Variants in PREP observed in about 807,000 individuals in gnomAD.
PREP encodes the protein prolyl endopeptidase, also known as dJ355L5.1 (prolyl endopeptidase).
A neutral mutation model predicts 87.6 loss-of-function variants in PREP; 29 were observed. That is an observed-to-expected ratio of 0.33 (90% CI 0.25 to 0.45). The LOEUF (loss-of-function observed/expected upper bound fraction) is 0.45. Ranked by LOEUF, PREP falls within the 20% of genes least tolerant of loss-of-function variation. The pLI, the probability that PREP is intolerant of heterozygous loss-of-function variation, is 1.00. For missense variants in PREP, 695 were observed against 886.5 expected (o/e 0.78, Z 2.74); for synonymous variants, 337 against 328.6 (o/e 1.03, Z -0.28).
chr6:105,277,802 T>A lies in PREP; in HGVS notation c.*342A>T. ...TCACATTTATTTAAAGATATAGAGGTTATGGATATAGATAAGTATGCCCGA... is the reference window on the plus strand; with the variant it reads ...TCACATTTATTTAAAGATATAGAGGATATGGATATAGATAAGTATGCCCGA... On this transcript the variant is annotated 3_prime_UTR_variant, in exon 15 of 15. Transcript: ENST00000652536. 3.6e-6 allele frequency: 1 copy of A among 276,244 alleles called. No homozygotes were observed. Among genetic ancestry groups the A allele is most frequent in the Non-Finnish European group, 6.9e-6 (1 of 145,880 alleles). The allele number at this position is 276,244 out of a possible 1,614,324, so 17.1% of individuals were successfully genotyped here. A position where few individuals can be genotyped will look rare whatever the true frequency, so the allele number is the denominator to read the frequency against.
At chr6:105,392,318 G>T (rs1457106318) in intron 2 of PREP, among the ~76,000 whole-genome samples, 1 of 152,108 alleles carries the variant, frequency 6.6e-6, no homozygotes, top group African/African-American at 2.4e-5. Flanking sequence ...GATTACAGGC[G>T]TGAGCCCCCA....
intron 2 of PREP, among the ~76,000 whole-genome samples, chr6:105,397,646 T>C (rs1471390335): frequency 1.3e-5 from 2 of 152,220 alleles, no homozygotes; most frequent in African/African-American, 2.4e-5. Flanking sequence ...TCTGAAACAC[T>C]TAGGTGATCT....
chr6:105,381,389 C>T (rs1368511668), intron 2 of PREP, among the ~76,000 whole-genome samples: 2 of 151,274 alleles, frequency 1.3e-5, no homozygotes, highest in Non-Finnish European at 2.9e-5. Context: ...ATGTATTTAA[C>T]AGGTATATCA....
chr6:105,382,416 T>C (rs1210154087), intron 2 of PREP, among the ~76,000 whole-genome samples: 1 of 152,056 alleles, frequency 6.6e-6, no homozygotes, highest in Non-Finnish European at 1.5e-5. Flanking sequence ...ATATATACAA[T>C]TTTCACCTGT....
At position 105,296,583 on chromosome 6, in the gene PREP, C is replaced by G. The variant is rs1770417752; in HGVS notation, c.1318-7689G>C. 2.0e-5 allele frequency among the ~76,000 whole-genome samples: 3 copies of G among 152,254 alleles called. No individual in the cohort carries two copies. In the East Asian group the frequency reaches 5.8e-4, roughly 29 times the overall value. On this transcript the variant is annotated intron_variant, in intron 10 of 14. Transcript: ENST00000652536. ...TGTTTACATATGGTCTGGGATCTAA[C>G]TACTTTTCCCCAAATGGCCAACTAT...
chr6:105,286,221 C>T (rs1770186503), intron 11 of PREP, among the ~76,000 whole-genome samples: 1 of 152,160 alleles, frequency 6.6e-6, no homozygotes, highest in Non-Finnish European at 1.5e-5. Flanking sequence ...CACAGGAGGA[C>T]CTGATAATGG....
At chr6:105,369,627 A>G (rs973289323) in intron 5 of PREP, among the ~76,000 whole-genome samples, 13 of 152,246 alleles carry the variant, frequency 8.5e-5, no homozygotes, top group African/African-American at 2.9e-4. Context: ...ATGGAACAGG[A>G]AAGAGAGCCT....
At chr6:105,312,748 G>A (rs919499091) in intron 10 of PREP, among the ~76,000 whole-genome samples, 8 of 152,178 alleles carry the variant, frequency 5.3e-5, no homozygotes, top group South Asian at 4.1e-4. Context: ...GACAGTTGGC[G>A]TTTGGATGAA....
chr6:105,293,700 C>T (rs144047244), intron 10 of PREP, among the ~76,000 whole-genome samples: 1 of 152,072 alleles, frequency 6.6e-6, no homozygotes, highest in African/African-American at 2.4e-5. Flanking sequence ...TATCAAATTC[C>T]TCTATGGACA....
At chr6:105,332,104 A>T (rs368045863) in intron 8 of PREP, among the ~76,000 whole-genome samples, 1 of 152,184 alleles carries the variant, frequency 6.6e-6, no homozygotes, top group Non-Finnish European at 1.5e-5. Flanking sequence ...AACTGCCTAC[A>T]GGGGTGTGGA....
chr6:105,364,603 C>G (rs1772338090), intron 6 of PREP, among the ~76,000 whole-genome samples: 1 of 152,146 alleles, frequency 6.6e-6, no homozygotes. Context: ...CGCATCCTGC[C>G]CTGTGTCCTG....
At chr6:105,306,389 T>C (rs987895790) in intron 10 of PREP, among the ~76,000 whole-genome samples, 2 of 152,152 alleles carry the variant, frequency 1.3e-5, no homozygotes, top group African/African-American at 4.8e-5. Context: ...GTAATATTTC[T>C]ACTACCTGGT....
intron 8 of PREP, among the ~76,000 whole-genome samples, chr6:105,330,012 G>C (rs1247831395): frequency 6.6e-6 from 1 of 152,216 alleles, no homozygotes; most frequent in Admixed American, 6.5e-5. Context: ...GGAATGAGGA[G>C]AGGGGAAAGG....
At position 105,277,326 on chromosome 6, in the gene PREP, C is replaced by G. The variant is rs1769964299; in HGVS notation, c.*818G>C. On this transcript the variant is annotated 3_prime_UTR_variant, in exon 15 of 15. Coordinates refer to ENST00000652536, the MANE Select transcript of PREP (RefSeq NM_002726.5). The stretch of plus-strand genomic sequence containing the variant: ...ATTTACTCATGTGATCTCTTGGAAC[C>G]AAGGATCCTTGGATCCAAGGAACTC... Among the ~76,000 whole-genome samples the G allele has an allele frequency of 6.6e-6, 1 of 151,956 alleles. No individual in the cohort carries two copies. The highest frequency in any genetic ancestry group is 1.9e-4 in the East Asian group (1 of 5,184).
At position 105,278,165 on chromosome 6, in the gene PREP, C is replaced by T; in HGVS notation, c.2112G>A (p.Leu704=). Residue 704 remains leucine (L), a synonymous_variant, in exon 15 of 15, where the codon CTG becomes CTA. Coordinates refer to ENST00000652536, the MANE Select transcript of PREP (RefSeq NM_002726.5). The surrounding 1 kb of genome is among the most constrained non-coding windows in gnomAD (Gnocchi z 4.2). ...CTGTTTATGGAATCCAGTCGACGTT[C>T]AGGCACCGCGCGATGAACGCAAACA... ...SDMFAFIARC[L]NVDWIP The T allele has an allele frequency of 1.2e-6, 2 of 1,611,654 alleles. No homozygotes were observed. Among genetic ancestry groups the T allele is most frequent in the South Asian group, 1.1e-5 (1 of 91,032 alleles).
At position 105,281,915 on chromosome 6, in the gene PREP, C is replaced by T. The variant is rs141657082; in HGVS notation, c.1682-13G>A. On this transcript the variant is annotated splice_polypyrimidine_tract_variant and intron_variant, in intron 13 of 14. Transcript: ENST00000652536. ...TTTGCACAAGCAGCTAAAAGCCCAA[C>T]GTAGAAAGAAAAGGGAGGCAGTCTA... is the stretch of plus-strand genomic sequence containing the variant. 9.6e-5 allele frequency: 154 copies of T among 1,611,374 alleles called. No homozygotes were observed. The highest frequency in any genetic ancestry group is 1.7e-4 in the Middle Eastern group (1 of 6,038).
At chr6:105,340,928 C>A (rs948010666) in intron 7 of PREP, among the ~76,000 whole-genome samples, 1 of 152,168 alleles carries the variant, frequency 6.6e-6, no homozygotes, top group Non-Finnish European at 1.5e-5. Context: ...TAGACTCCCA[C>A]ACAATAATAA....
chr6:105,282,420 G>T, intron 13 of PREP, 31 bp downstream of exon 13: 2 of 1,602,450 alleles, frequency 1.2e-6, no homozygotes, highest in Middle Eastern at 1.7e-4. Context: ...GGGCTAACTA[G>T]TAAGTGCAAT....
At chr6:105,315,280 C>T (rs1370811897) in intron 10 of PREP, among the ~76,000 whole-genome samples, 4 of 152,304 alleles carry the variant, frequency 2.6e-5, no homozygotes, top group African/African-American at 7.2e-5. Context: ...CCTCCTGTCT[C>T]AGCCTCTTGA....
Sources: allele counts gnomAD v4.1 joint callset (sites outside exome capture counted in the v4.1 genomes callset), GRCh38; gene constraint gnomAD v4.1.1; non-coding constraint Gnocchi (gnomAD v3.1); transcripts MANE v1.5; gene names NCBI Gene and HGNC (gene_info 2026-07-23, HGNC 2026-07-21).